The following ARHGAP6 variants were observed in gnomAD, a reference collection of about 807,000 sequenced individuals.
ARHGAP6 encodes the protein rho GTPase-activating protein 6.
Under a neutral mutation model 55.7 loss-of-function variants are expected in ARHGAP6, and 16 were observed. The observed-to-expected ratio is 0.29, with a 90% CI of 0.19 to 0.44. The LOEUF (loss-of-function observed/expected upper bound fraction) is 0.44, where lower values mean the gene tolerates loss of function less well. Among genes scored for constraint, ARHGAP6 ranks in the 20% least tolerant of loss-of-function variants. ARHGAP6 has a pLI of 1.00. For synonymous variants in ARHGAP6, 382 were observed against 360.9 expected (o/e 1.06, Z -0.66); for missense variants, 698 against 808.9 (o/e 0.86, Z 1.66).
chrX:11,555,681 A>C (rs762652820), intron 1 of ARHGAP6, among the ~76,000 whole-genome samples: 21 of 110,950 alleles, frequency 1.9e-4, no homozygotes, highest in Non-Finnish European at 3.0e-4. Flanking sequence ...TGGGAGGTGG[A>C]GGTTGCAGTG....
intron 1 of ARHGAP6, among the ~76,000 whole-genome samples, chrX:11,510,293 A>C (rs975204080): frequency 9.0e-6 from 1 of 111,595 alleles, no homozygotes. Context: ...TTCAATAAAG[A>C]AAAGGGAAGG....
intron 2 of ARHGAP6, among the ~76,000 whole-genome samples, chrX:11,227,714 C>T (rs1395330632): frequency 9.0e-6 from 1 of 110,815 alleles, no homozygotes; most frequent in Non-Finnish European, 1.9e-5. Context: ...GATTGACAGC[C>T]TTCCCTGAAG....
intron 1 of ARHGAP6, among the ~76,000 whole-genome samples, chrX:11,384,198 A>C (rs1308278145): frequency 1.8e-5 from 2 of 111,932 alleles, no homozygotes; most frequent in East Asian, 5.6e-4. Context: ...GCCCCCGGGT[A>C]GCCAAGATTT....
At chrX:11,619,033 A>G (rs369345392) in intron 1 of ARHGAP6, among the ~76,000 whole-genome samples, 1 of 112,131 alleles carries the variant, frequency 8.9e-6, no homozygotes, top group African/African-American at 3.2e-5. Flanking sequence ...GGGTTTTAGT[A>G]AAAGTTTTTT....
chrX:11,230,582 A>G (rs764217777), intron 2 of ARHGAP6, among the ~76,000 whole-genome samples: 330 of 110,246 alleles, frequency 3.0e-3, no homozygotes, highest in Non-Finnish European at 5.5e-3. Flanking sequence ...TGAAGGGAAG[A>G]AAGTTTTTGA....
At chrX:11,625,242 A>T (rs2052281283) in intron 1 of ARHGAP6, among the ~76,000 whole-genome samples, 2 of 111,513 alleles carry the variant, frequency 1.8e-5, no homozygotes, top group African/African-American at 6.5e-5. Flanking sequence ...ACAATAGTCA[A>T]GATATAGTAT....
chrX:11,474,880 T>C (rs1301211555), intron 1 of ARHGAP6, among the ~76,000 whole-genome samples: 2 of 110,860 alleles, frequency 1.8e-5, no homozygotes, highest in Non-Finnish European at 3.8e-5. Context: ...AAATGAGTTG[T>C]TATAAATCCA....
At position 11,178,103 on chromosome X, in the gene ARHGAP6, T is replaced by C; in HGVS notation, c.1626A>G (p.Gln542=). The C allele has an allele frequency of 8.3e-7, 1 of 1,211,324 alleles. No homozygotes were observed. Among genetic ancestry groups the C allele is most frequent in the Non-Finnish European group, 1.1e-6 (1 of 895,364 alleles). ...HADDNISKDG[Q]EVTGNKMTSL... is the part of the protein sequence containing the mutation. ...TATGGCAGCAAAGGCATCTTACCTC[T>C]TGCCCATCTTTGCTGATGTTGTCAT... The change falls in exon 8 of 13, where the codon CAA becomes CAG. Residue 542 remains glutamine (Q), a synonymous_variant. Coordinates refer to ENST00000337414, the MANE Select transcript of ARHGAP6 (RefSeq NM_013427.3).
At chrX:11,224,044 GT>G (rs2047010616) in intron 2 of ARHGAP6, among the ~76,000 whole-genome samples, 1 of 112,040 alleles carries the variant, frequency 8.9e-6, no homozygotes, top group African/African-American at 3.2e-5. Flanking sequence ...TGTGAAGTCA[GT>G]TTTGGTTTGA....
At chrX:11,553,029 T>C (rs893183969) in intron 1 of ARHGAP6, among the ~76,000 whole-genome samples, 5 of 111,230 alleles carry the variant, frequency 4.5e-5, no homozygotes, top group African/African-American at 1.6e-4. Flanking sequence ...TTAATTAGCT[T>C]GATTTAGTCA....
intron 1 of ARHGAP6, among the ~76,000 whole-genome samples, chrX:11,566,462 C>G (rs1287684445): frequency 8.9e-6 from 1 of 112,072 alleles, no homozygotes; most frequent in Admixed American, 9.5e-5. Flanking sequence ...ATTACATTCT[C>G]ACTCTTTGTT....
chrX:11,559,506 T>A (rs1451079010), intron 1 of ARHGAP6, among the ~76,000 whole-genome samples: 1 of 111,919 alleles, frequency 8.9e-6, no homozygotes, highest in Non-Finnish European at 1.9e-5. Context: ...TTTATCTATG[T>A]CAATCATTGG....
At chrX:11,437,710 T>A (rs141711880) in intron 1 of ARHGAP6, among the ~76,000 whole-genome samples, 1 of 112,304 alleles carries the variant, frequency 8.9e-6, no homozygotes, top group East Asian at 2.8e-4. Context: ...CACACATCAG[T>A]CAGTCATGGG....
chrX:11,171,371 A>G (rs989260930), intron 8 of ARHGAP6, among the ~76,000 whole-genome samples: 1 of 104,085 alleles, frequency 9.6e-6, no homozygotes, highest in African/African-American at 3.5e-5. Flanking sequence ...ATCTCTTAAC[A>G]ACATGCTACA....
intron 1 of ARHGAP6, among the ~76,000 whole-genome samples, chrX:11,549,352 T>C (rs1038704245): frequency 5.4e-5 from 6 of 111,918 alleles, no homozygotes; most frequent in Non-Finnish European, 9.4e-5. Flanking sequence ...AGACAACCTG[T>C]AGAATGGGAT....
At chrX:11,393,009 C>T (rs73498797) in intron 1 of ARHGAP6, among the ~76,000 whole-genome samples, 6,147 of 111,092 alleles carry the variant, frequency 0.055, 192 homozygotes, top group African/African-American at 0.12. Flanking sequence ...AGAAGGATAT[C>T]CTGAAAAAGA....
At chrX:11,182,147 C>A in intron 5 of ARHGAP6, 29 bp from the exon 6 acceptor site, 1 of 1,165,343 alleles carries the variant, frequency 8.6e-7, no homozygotes, top group Non-Finnish European at 1.2e-6. Context: ...AATGAACAGT[C>A]TTGTTTCATG....
At chrX:11,358,610 G>C (rs2048968388) in intron 1 of ARHGAP6, among the ~76,000 whole-genome samples, 1 of 109,521 alleles carries the variant, frequency 9.1e-6, no homozygotes, top group South Asian at 3.9e-4. Flanking sequence ...CTCCCGAGTA[G>C]CTGGGATTAC....
intron 1 of ARHGAP6, among the ~76,000 whole-genome samples, chrX:11,428,502 C>A (rs181639497): frequency 8.9e-6 from 1 of 112,388 alleles, no homozygotes; most frequent in East Asian, 2.8e-4. Context: ...CTGTAATTTA[C>A]GTCCAGCCTC....
Sources: allele counts gnomAD v4.1 joint callset (sites outside exome capture counted in the v4.1 genomes callset), GRCh38; gene constraint gnomAD v4.1.1; transcripts MANE v1.5; gene names NCBI Gene and HGNC (gene_info 2026-07-23, HGNC 2026-07-21).